MACROD1: variants seen among roughly 807,000 people sequenced by gnomAD.
MACROD1 encodes mono-ADP ribosylhydrolase 1.
MACROD1 carries 31 observed loss-of-function variants against 41.4 expected under a neutral mutation model. The ratio of observed to expected loss-of-function variants is 0.75; its 90% CI spans 0.56 to 1.01. The LOEUF is 1.01. MACROD1 is among the 50% of genes least tolerant of loss of function. The pLI is 0.00. For missense variants in MACROD1, 473 were observed against 460.0 expected (o/e 1.03, Z -0.26); for synonymous variants, 252 against 203.4 (o/e 1.24, Z -2.03).
chr11:64,085,034 C>T (rs559255751), intron 3 of MACROD1, among the ~76,000 whole-genome samples: 7 of 152,310 alleles, frequency 4.6e-5, no homozygotes, highest in African/African-American at 1.4e-4. Context: ...CCCCATTTTA[C>T]AGATAAAGAA....
In MACROD1 at chr11:64,082,275, G is replaced by GA. The variant is rs761151234; in HGVS notation, c.518-66995dup. On this transcript the variant is annotated intron_variant, in intron 3 of 10. Coordinates refer to ENST00000255681, the MANE Select transcript of MACROD1 (RefSeq NM_014067.4). The surrounding 1 kb of genome is among the most constrained non-coding windows in gnomAD (Gnocchi z 4.5). ...AGGATGGCTGAGCCTGGGGGGTGGA[G>GA]AAAATCTTGCCTCCTGCTCTGAGCA... Among the ~76,000 whole-genome samples the GA allele has an allele frequency of 2.0e-5, 3 of 152,126 alleles. No homozygotes were observed. Among genetic ancestry groups the GA allele is most frequent in the Non-Finnish European group, 2.9e-5 (2 of 68,028 alleles).
intron 3 of MACROD1, among the ~76,000 whole-genome samples, chr11:64,089,226 G>A (rs1195532149): frequency 1.3e-5 from 2 of 152,294 alleles, no homozygotes; most frequent in East Asian, 3.9e-4. Flanking sequence ...ATTGCACCGC[G>A]GAGGTGAGGG....
At chr11:64,071,568 GC>G (rs1944108309) in intron 3 of MACROD1, among the ~76,000 whole-genome samples, 1 of 152,090 alleles carries the variant, frequency 6.6e-6, no homozygotes, top group Non-Finnish European at 1.5e-5. Context: ...GGGAAACCTT[GC>G]CCCTTAGTTT....
intron 3 of MACROD1, among the ~76,000 whole-genome samples, chr11:64,074,729 C>T (rs1422854491): frequency 6.6e-6 from 1 of 152,150 alleles, no homozygotes; most frequent in African/African-American, 2.4e-5. Flanking sequence ...TGAGCTGCTG[C>T]CCCAGAGGCC....
rs775901955 is a variant in MACROD1 at position 64,120,962 on chromosome 11, C to G, written c.517+30277G>C. Among the ~76,000 whole-genome samples the G allele has an allele frequency of 2.0e-5, 3 of 152,208 alleles. No individual in the cohort carries two copies. The highest frequency in any genetic ancestry group is 4.4e-5 in the Non-Finnish European group (3 of 68,038). On this transcript the variant is annotated intron_variant, in intron 3 of 10. Coordinates refer to ENST00000255681, the MANE Select transcript of MACROD1 (RefSeq NM_014067.4). The surrounding 1 kb of genome is among the most constrained non-coding windows in gnomAD (Gnocchi z 4.5). ...ACCTAGGTCCCCCTGTCTCCTCTCC[C>G]CACCCTAGACAGGTCAGGTCATGCC...
At chr11:64,155,872 G>A (rs1197777854) in intron 1 of MACROD1, among the ~76,000 whole-genome samples, 1 of 151,982 alleles carries the variant, frequency 6.6e-6, no homozygotes, top group Non-Finnish European at 1.5e-5. Context: ...ATTTTGGGAG[G>A]CCGAGACAGG....
chr11:64,094,018 C>T (rs1016971731), intron 3 of MACROD1, among the ~76,000 whole-genome samples: 11 of 152,220 alleles, frequency 7.2e-5, no homozygotes, highest in African/African-American at 2.7e-4. Flanking sequence ...AGGCCAGGGC[C>T]GGGCGCAGTG....
Position 64,008,213 on chromosome 11 carries a change from C to T in MACROD1, c.547+7039G>A, listed in dbSNP as rs917364153. 6.6e-5 allele frequency among the ~76,000 whole-genome samples: 10 copies of T among 152,014 alleles called. No individual in the cohort carries two copies. The East Asian group carries it at 1.7e-3, about 26-fold the overall frequency. On this transcript the variant is annotated intron_variant, in intron 4 of 10. Transcript: ENST00000255681. ...GAGAGGGAGCCAGGGAGAGGCAAAG[C>T]GTGGAGGGAGAAATGGAGAAAACGA...
chr11:64,043,126 G>A (rs1186277702), intron 3 of MACROD1, among the ~76,000 whole-genome samples: 1 of 152,214 alleles, frequency 6.6e-6, no homozygotes, highest in Non-Finnish European at 1.5e-5. Context: ...CCACACCTGT[G>A]AAACAGGATG....
intron 3 of MACROD1, among the ~76,000 whole-genome samples, chr11:64,079,728 T>C (rs1259790845): frequency 1.3e-5 from 2 of 150,736 alleles, no homozygotes; most frequent in Admixed American, 1.3e-4. Flanking sequence ...AGGGAGAGAG[T>C]GGGGCGCACG....
At chr11:64,154,942 C>G (rs930814939) in intron 1 of MACROD1, among the ~76,000 whole-genome samples, 1 of 152,216 alleles carries the variant, frequency 6.6e-6, no homozygotes, top group Non-Finnish European at 1.5e-5. Context: ...TGGACTTGAA[C>G]TCCTGACCTC....
At chr11:64,130,980 C>T (rs903867091) in intron 3 of MACROD1, among the ~76,000 whole-genome samples, 1 of 152,246 alleles carries the variant, frequency 6.6e-6, no homozygotes, top group Non-Finnish European at 1.5e-5. Flanking sequence ...AGCACTGCAT[C>T]GGAGATGGGC....
At chr11:64,060,977 A>C in intron 3 of MACROD1, among the ~76,000 whole-genome samples, 1 of 151,654 alleles carries the variant, frequency 6.6e-6, no homozygotes, top group African/African-American at 2.4e-5. Flanking sequence ...CCGCCAGGCG[A>C]CCGGGCGGGC....
intron 3 of MACROD1, among the ~76,000 whole-genome samples, chr11:64,042,713 G>T (rs1393359226): frequency 6.6e-6 from 1 of 152,188 alleles, no homozygotes; most frequent in African/African-American, 2.4e-5. Context: ...TCACAGTGGG[G>T]TGCTTCATGC....
chr11:64,114,324 T>C (rs945872816), intron 3 of MACROD1, among the ~76,000 whole-genome samples: 1 of 140,032 alleles, frequency 7.1e-6, no homozygotes, highest in African/African-American at 2.7e-5. Flanking sequence ...GACGGATGGA[T>C]GGACGGACAG....
At chr11:64,106,953 G>A (rs1207056374) in intron 3 of MACROD1, among the ~76,000 whole-genome samples, 3 of 151,950 alleles carry the variant, frequency 2.0e-5, no homozygotes, top group Non-Finnish European at 4.4e-5. Context: ...ACGATCTCTC[G>A]GCTCACTGCA....
intron 3 of MACROD1, among the ~76,000 whole-genome samples, chr11:64,054,916 C>T (rs911348797): frequency 6.6e-6 from 1 of 152,112 alleles, no homozygotes; most frequent in Non-Finnish European, 1.5e-5. Flanking sequence ...TGGTGACCGC[C>T]CTCTTTCTCC....
At chr11:64,142,378 C>G (rs532673153) in intron 3 of MACROD1, among the ~76,000 whole-genome samples, 2 of 152,146 alleles carry the variant, frequency 1.3e-5, no homozygotes, top group East Asian at 1.9e-4. Context: ...AAAAAATTTA[C>G]AAAATAAATC....
intron 3 of MACROD1, among the ~76,000 whole-genome samples, chr11:64,019,917 T>G (rs570098): frequency 0.49 from 73,936 of 151,852 alleles, 18,235 homozygotes; most frequent in South Asian, 0.62. Context: ...ACGTGCATGA[T>G]GAGGGCACCC....
Sources: gnomAD v4.1 joint callset for allele counts (sites outside exome capture counted in the v4.1 genomes callset) on GRCh38, gnomAD v4.1.1 for gene constraint, Gnocchi (gnomAD v3.1) non-coding constraint, MANE v1.5 for transcripts, NCBI Gene and HGNC (gene_info 2026-07-23, HGNC 2026-07-21) for gene names.